Variants in CSMD1 observed in about 807,000 individuals in gnomAD.
CSMD1 encodes the protein CUB and Sushi multiple domains 1.
A neutral mutation model predicts 417.5 loss-of-function variants in CSMD1; 213 were observed. That is an observed-to-expected ratio of 0.51 (90% CI 0.46 to 0.57). The LOEUF (loss-of-function observed/expected upper bound fraction) is 0.57. Ranked by LOEUF, CSMD1 falls within the 20% of genes least tolerant of loss-of-function variation. CSMD1 has a pLI of 0.00. For missense variants in CSMD1, 6,923 were observed against 4,529.7 expected (o/e 1.53, Z -15.17); for synonymous variants, 2,862 against 1,736.8 (o/e 1.65, Z -16.11).
At chr8:3,001,679 T>A (rs1445129395) in intron 52 of CSMD1, among the ~76,000 whole-genome samples, 1 of 152,186 alleles carries the variant, frequency 6.6e-6, no homozygotes, top group Non-Finnish European at 1.5e-5. Flanking sequence ...TAATAATCAA[T>A]ATTTATCTTT....
chr8:4,106,395 G>C (rs189934185), intron 3 of CSMD1, among the ~76,000 whole-genome samples: 6 of 152,194 alleles, frequency 3.9e-5, no homozygotes, highest in Non-Finnish European at 8.8e-5. Context: ...TAATTGATCT[G>C]GTAAATATTA....
intron 5 of CSMD1, among the ~76,000 whole-genome samples, chr8:3,960,005 G>A (rs1812214811): frequency 6.6e-6 from 1 of 152,186 alleles, no homozygotes; most frequent in South Asian, 2.1e-4. Flanking sequence ...GTATGTGCGT[G>A]AAGCTATTTC....
intron 26 of CSMD1, among the ~76,000 whole-genome samples, chr8:3,275,815 T>C (rs1373115830): frequency 6.6e-6 from 1 of 152,136 alleles, no homozygotes; most frequent in Admixed American, 6.5e-5. Flanking sequence ...TTGGTTATTC[T>C]AGTTATACAT....
intron 3 of CSMD1, among the ~76,000 whole-genome samples, chr8:4,250,836 A>G (rs1387613363): frequency 6.6e-6 from 1 of 152,200 alleles, no homozygotes; most frequent in Non-Finnish European, 1.5e-5. Context: ...GTTTTTTAGA[A>G]TATGTCAACA....
At chr8:2,973,060 G>A (rs553884618) in intron 57 of CSMD1, 57 bp downstream of exon 57, 2 of 1,531,508 alleles carry the variant, frequency 1.3e-6, no homozygotes, top group South Asian at 2.4e-5. Context: ...AGGCATTTTA[G>A]AACGAGCTGT....
Position 3,359,170 on chromosome 8 carries a change from G to C in CSMD1, c.3286C>G (p.Pro1096Ala). ...CACCTACCCACACACCTTGGCAGAG[G>C]TGCACTCCACACACGGCGGCCCCCA... is the stretch of plus-strand genomic sequence containing the variant. ...LGGGRRVWSA[P>A]LPRCVAECGA... is the part of the protein sequence containing the mutation. Residue 1096 changes from proline (P) to alanine (A), a missense_variant, in exon 21 of 70, where the codon CCT becomes GCT. By Grantham distance (27) the Pro-to-Ala change is conservative (BLOSUM62 -1). Transcript: ENST00000635120. The C allele has an allele frequency of 6.2e-7, 1 of 1,613,986 alleles. No individual in the cohort carries two copies. Among genetic ancestry groups the C allele is most frequent in the Non-Finnish European group, 8.5e-7 (1 of 1,179,966 alleles).
chr8:2,956,384 T>C (rs1050990351), intron 63 of CSMD1, among the ~76,000 whole-genome samples: 1 of 152,122 alleles, frequency 6.6e-6, no homozygotes, highest in Non-Finnish European at 1.5e-5. Flanking sequence ...AAAGTTTGCA[T>C]ACATGCTGCA....
At chr8:3,826,720 AAG>A (rs1274815253) in intron 5 of CSMD1, among the ~76,000 whole-genome samples, 1 of 152,200 alleles carries the variant, frequency 6.6e-6, no homozygotes, top group African/African-American at 2.4e-5. Context: ...TTTTCAAAGA[AAG>A]AGTTTGTACT....
At chr8:4,833,978 G>GTC (rs1800305946) in intron 1 of CSMD1, among the ~76,000 whole-genome samples, 2 of 152,128 alleles carry the variant, frequency 1.3e-5, no homozygotes, top group African/African-American at 4.8e-5. Flanking sequence ...ACCTTGAAGA[G>GTC]TCTCTCACAG....
chr8:4,757,571 G>C (rs925403130), intron 1 of CSMD1, among the ~76,000 whole-genome samples: 10 of 152,158 alleles, frequency 6.6e-5, no homozygotes, highest in Non-Finnish European at 1.2e-4. Flanking sequence ...GATAGGCTAA[G>C]TCTGAGCAAT....
intron 1 of CSMD1, among the ~76,000 whole-genome samples, chr8:4,651,616 A>C (rs1281096353): frequency 6.6e-6 from 1 of 152,220 alleles, no homozygotes; most frequent in East Asian, 1.9e-4. Context: ...CACATGGTTA[A>C]TATTCTCATA....
At chr8:4,145,327 GA>G (rs1233568444) in intron 3 of CSMD1, among the ~76,000 whole-genome samples, 1 of 150,648 alleles carries the variant, frequency 6.6e-6, no homozygotes, top group Non-Finnish European at 1.5e-5. Flanking sequence ...ATTTTTTGAG[GA>G]AAAAAATGAT....
chr8:3,874,828 A>G (rs1355535905), intron 5 of CSMD1, among the ~76,000 whole-genome samples: 1 of 152,124 alleles, frequency 6.6e-6, no homozygotes, highest in Non-Finnish European at 1.5e-5. Context: ...AGACGGGGTC[A>G]ATTTCGGAGG....
At position 4,219,447 on chromosome 8, in the gene CSMD1, C is replaced by A. The variant is rs994332859; in HGVS notation, c.416-187348G>T. Among the ~76,000 whole-genome samples, 5 of 152,250 alleles carry A rather than the reference C, an allele frequency of 3.3e-5. No homozygotes were observed. The East Asian group carries it at 9.7e-4, about 29-fold the overall frequency. ...AATTGGGCTCTGATCATAATTCATA[C>A]CCGAACCTCTCTCTTGAACTCTAGT... On this transcript the variant is annotated intron_variant, in intron 3 of 69. Transcript: ENST00000635120.
rs141543898 is a variant in CSMD1, at chr8:3,938,068, G to A, written c.818+59835C>T. Reference sequence around the variant, plus strand: ...TAATTGACTTCCAACAATATTCTGGGGATTACACAGGATCGTGTAGTAGAA... The same window carrying A: ...TAATTGACTTCCAACAATATTCTGGAGATTACACAGGATCGTGTAGTAGAA... On this transcript the variant is annotated intron_variant, in intron 5 of 69. Coordinates refer to ENST00000635120, the MANE Select transcript of CSMD1 (RefSeq NM_033225.6). 9.7e-3 allele frequency among the ~76,000 whole-genome samples: 1,482 copies of A among 152,084 alleles called. 22 individuals are homozygous for A. Among genetic ancestry groups the A allele is most frequent in the African/African-American group, 0.033 (1,388 of 41,498 alleles).
In CSMD1 at chr8:4,153,462, G is replaced by A. The variant is rs143930425; in HGVS notation, c.416-121363C>T. ...CTTAGCAGATGAGCCAGTGGATAAG[G>A]TTCTGCAGCTCTGCTTCCCAGTCTT... On this transcript the variant is annotated intron_variant, in intron 3 of 69. Transcript: ENST00000635120. Among the ~76,000 whole-genome samples, 1,312 of 152,304 alleles carry A rather than the reference G, an allele frequency of 8.6e-3. 20 individuals carry two copies. The highest frequency in any genetic ancestry group is 0.034 in the Middle Eastern group (10 of 294).
chr8:4,859,902 A>G (rs1488683876), intron 1 of CSMD1, among the ~76,000 whole-genome samples: 1 of 152,176 alleles, frequency 6.6e-6, no homozygotes, highest in Non-Finnish European at 1.5e-5. Context: ...CAGCCATCCC[A>G]TTACTGGGTA....
At chr8:3,488,294 G>C (rs1337088821) in intron 11 of CSMD1, among the ~76,000 whole-genome samples, 3 of 151,918 alleles carry the variant, frequency 2.0e-5, no homozygotes, top group Non-Finnish European at 2.9e-5. Flanking sequence ...TTTTTGTAGA[G>C]ACGGAGTTTC....
chr8:3,788,575 T>C (rs962991573), intron 5 of CSMD1, among the ~76,000 whole-genome samples: 1 of 152,214 alleles, frequency 6.6e-6, no homozygotes, highest in African/African-American at 2.4e-5. Context: ...ATTTAATGCA[T>C]TAAATCTTAC....
Sources: allele counts gnomAD v4.1 joint callset (sites outside exome capture counted in the v4.1 genomes callset), GRCh38; gene constraint gnomAD v4.1.1; transcripts MANE v1.5; gene names NCBI Gene and HGNC (gene_info 2026-07-23, HGNC 2026-07-21).